The following C4orf50 variants were observed in gnomAD, a reference collection of about 807,000 sequenced individuals.
C4orf50 encodes uncharacterized protein C4orf50.
A neutral mutation model predicts 77.2 loss-of-function variants in C4orf50; 80 were observed. The ratio of observed to expected loss-of-function variants is 1.04; its 90% CI spans 0.87 to 1.25. The LOEUF is 1.25. Ranked by LOEUF, C4orf50 falls within the 50% of genes most tolerant of loss-of-function variation. The pLI is 0.00. For synonymous variants in C4orf50, 532 were observed against 465.3 expected (o/e 1.14, Z -1.84); for missense variants, 1,257 against 1,152.9 (o/e 1.09, Z -1.31).
At chr4:6,004,027 G>GTGA (rs1577991433) in intron 25 of C4orf50, among the ~76,000 whole-genome samples, 68 of 30,616 alleles carry the variant, frequency 2.2e-3, no homozygotes, top group East Asian at 8.6e-3. Context: ...TGGTGATAAT[G>GTGA]TGATAGTGAT....
chr4:6,012,224 A>G (rs1205907282), intron 23 of C4orf50, among the ~76,000 whole-genome samples: 1 of 152,204 alleles, frequency 6.6e-6, no homozygotes, highest in Non-Finnish European at 1.5e-5. Context: ...GAAGCCAGTA[A>G]TTGCAGATTC....
intron 28 of C4orf50, among the ~76,000 whole-genome samples, chr4:5,986,905 G>GA (rs1720894432): frequency 6.6e-6 from 1 of 152,108 alleles, no homozygotes; most frequent in African/African-American, 2.4e-5. Flanking sequence ...GCACATAGTA[G>GA]ATAGGCAGTA....
intron 7 of C4orf50, among the ~76,000 whole-genome samples, chr4:5,930,266 T>C (rs1717709240): frequency 6.6e-6 from 1 of 152,202 alleles, no homozygotes; most frequent in Non-Finnish European, 1.5e-5. Context: ...TCCATTTCTT[T>C]GGAAAATAGC....
chr4:5,992,721 G>A lies in C4orf50; in HGVS notation c.1221+82C>T, dbSNP rs879064183. 7 of 398,332 alleles carry A rather than the reference G, an allele frequency of 1.8e-5. No homozygotes were observed. Among genetic ancestry groups the A allele is most frequent in the Admixed American group, 4.4e-5 (1 of 22,688 alleles). The allele number at this position is 398,332 out of a possible 1,614,324, so 24.7% of individuals were successfully genotyped here. ...CTTCTTTACCCCTCCCACATCCTGC[G>A]TGTGGCCACATAGCCTGCATGAGGC... On this transcript the variant is annotated intron_variant, in intron 27 of 33. Coordinates refer to ENST00000531445, the Ensembl canonical transcript of C4orf50. This position sits in a 1 kb window ranked among gnomAD's most constrained non-coding sequence, Gnocchi z 5.0.
rs79132175 is a variant in C4orf50, at chr4:5,970,236, T to C, written c.4105-2774A>G. Among the ~76,000 whole-genome samples the C allele has an allele frequency of 2.6e-4, 39 of 151,736 alleles. 1 individual carries two copies. The East Asian group carries it at 6.4e-3, about 25-fold the overall frequency. On this transcript the variant is annotated intron_variant, in intron 31 of 33. Transcript: ENST00000531445. This position sits in a 1 kb window ranked among gnomAD's most constrained non-coding sequence, Gnocchi z 4.3. ...CCCAGGAAGGTGCCCTGAGCCCTGC[T>C]CACTCAAGGCGTCCAGGGGACAAGG...
intron 7 of C4orf50, among the ~76,000 whole-genome samples, chr4:5,930,013 C>T (rs372759129): frequency 2.0e-5 from 3 of 152,154 alleles, no homozygotes; most frequent in Admixed American, 6.5e-5. Flanking sequence ...TTAAATTGTG[C>T]GCCTGTGTCT....
At chr4:5,935,840 A>C (rs1717989468) in intron 7 of C4orf50, among the ~76,000 whole-genome samples, 1 of 151,596 alleles carries the variant, frequency 6.6e-6, no homozygotes, top group African/African-American at 2.4e-5. Context: ...CAAAACGCCC[A>C]AGAAAACAAT....
rs1458809624 is a variant in C4orf50 at position 6,008,207 on chromosome 4, T to TCGCTG, written c.747_751dup (p.Glu251AlafsTer37). On this transcript the variant is annotated frameshift_variant, in exon 25 of 34. Coordinates refer to ENST00000531445, the Ensembl canonical transcript of C4orf50. LOFTEE classifies it high-confidence loss of function. The surrounding 1 kb of genome is among the most constrained non-coding windows in gnomAD (Gnocchi z 6.0). The stretch of plus-strand genomic sequence containing the variant: ...GCGCGCCGCCTCTTCCCGCTCGCGC[T>TCGCTG]CGCTGCGCTCTGCCCTCGCCTGCAG... 56 of 397,496 alleles carry TCGCTG rather than the reference T, an allele frequency of 1.4e-4. No individual in the cohort carries two copies. Among genetic ancestry groups the TCGCTG allele is most frequent in the East Asian group, 9.6e-4 (27 of 28,042 alleles). The allele number at this position is 397,496 out of a possible 1,614,324, so 24.6% of individuals were successfully genotyped here.
chr4:6,013,800 G>A (rs965436283), intron 23 of C4orf50, among the ~76,000 whole-genome samples: 21 of 152,058 alleles, frequency 1.4e-4, no homozygotes, highest in Non-Finnish European at 2.5e-4. Context: ...CTCCAGCCTC[G>A]GAGAGGGCTT....
exon 34 of C4orf50, chr4:5,957,414 C>G (rs1351346040): frequency 1.3e-5 from 2 of 152,190 alleles, no homozygotes; most frequent in Non-Finnish European, 2.9e-5. Flanking sequence ...TGACATTGTC[C>G]CAAAATACAG....
At chr4:5,953,666 G>C (rs886421918), downstream of C4orf50, among the ~76,000 whole-genome samples, 9 of 152,150 alleles carry the variant, frequency 5.9e-5, no homozygotes, top group Non-Finnish European at 1.0e-4. Context: ...GGGCGCATGG[G>C]GGCAGGTCCA....
At chr4:5,935,087 C>T (rs1717947732) in intron 7 of C4orf50, among the ~76,000 whole-genome samples, 1 of 152,224 alleles carries the variant, frequency 6.6e-6, no homozygotes, top group Non-Finnish European at 1.5e-5. Context: ...ACACAGGAAG[C>T]TCTAGGTTCA....
At chr4:5,935,869 T>G (rs1227998012) in intron 7 of C4orf50, among the ~76,000 whole-genome samples, 2 of 133,760 alleles carry the variant, frequency 1.5e-5, no homozygotes, top group Non-Finnish European at 3.2e-5. Context: ...AATGAAGACA[T>G]AAGATGTATT....
At chr4:5,988,625 C>T in exon 28 of C4orf50, 1 of 1,536,184 alleles carries the variant, frequency 6.5e-7, no homozygotes, top group Non-Finnish European at 8.7e-7. Flanking sequence ...AGCAGCTGTC[C>T]TGTGAGTGGA....
rs879913190 is a variant in C4orf50, at chr4:5,905,520, C to G, written c.*2475-7332G>C. ...CAACCAGTGTGGCTTCTACATGAAG[C>G]CATCCACATGCACACACCTTTACGT... On this transcript the variant is annotated intron_variant, in intron 7 of 7. Transcript: ENST00000324058. The surrounding 1 kb of genome is among the most constrained non-coding windows in gnomAD (Gnocchi z 5.4). 5 of 152,212 alleles carry G rather than the reference C, an allele frequency of 3.3e-5. No homozygotes were observed. The highest frequency in any genetic ancestry group is 5.9e-5 in the Non-Finnish European group (4 of 68,050). The allele number at this position is 152,212 out of a possible 1,614,324, so 9.4% of individuals were successfully genotyped here.
chr4:6,004,119 GTGATAGTGA>G (rs1722051637), intron 25 of C4orf50, among the ~76,000 whole-genome samples: 27 of 36,740 alleles, frequency 7.3e-4, no homozygotes, highest in East Asian at 1.7e-3. Context: ...GGTGATGATG[GTGATAGTGA>G]TGATGGTGAT....
Position 5,916,943 on chromosome 4 carries a change from G to A in C4orf50, c.*2475-18755C>T, listed in dbSNP as rs763763708. Among the ~76,000 whole-genome samples, 21 of 152,050 alleles carry A rather than the reference G, an allele frequency of 1.4e-4. No homozygotes were observed. Among genetic ancestry groups the A allele is most frequent in the Non-Finnish European group, 2.4e-4 (16 of 68,008 alleles). On this transcript the variant is annotated intron_variant, in intron 7 of 7. Coordinates refer to the C4orf50 transcript ENST00000324058. This position sits in a 1 kb window ranked among gnomAD's most constrained non-coding sequence, Gnocchi z 4.4. ...ACACATCACTATGTGGACTGAAGAG[G>A]GTGGAAATCCAGAGCTGGCTTTCCC...
downstream of C4orf50, among the ~76,000 whole-genome samples, chr4:5,953,330 G>A (rs1718810205): frequency 6.6e-6 from 1 of 152,168 alleles, no homozygotes; most frequent in South Asian, 2.1e-4. Flanking sequence ...TAATATTGCG[G>A]CTACAGTTGA....
rs1717811606 is a variant in C4orf50, at chr4:5,932,496, C to T, written c.*2474+24405G>A. ...TTGGAGCCTGGCTGGAGTGCCGTGG[C>T]TCCATCACAGTTCACTGCAGCCTCG... On this transcript the variant is annotated intron_variant, in intron 7 of 7. Transcript: ENST00000324058. The surrounding 1 kb of genome is among the most constrained non-coding windows in gnomAD (Gnocchi z 4.2). Among the ~76,000 whole-genome samples the T allele has an allele frequency of 6.6e-6, 1 of 152,194 alleles. No homozygotes were observed. Among genetic ancestry groups the T allele is most frequent in the Admixed American group, 6.5e-5 (1 of 15,282 alleles).
Sources: gnomAD v4.1 joint callset for allele counts (sites outside exome capture counted in the v4.1 genomes callset) on GRCh38, gnomAD v4.1.1 for gene constraint, Gnocchi (gnomAD v3.1) non-coding constraint, MANE v1.5 for transcripts, NCBI Gene and HGNC (gene_info 2026-07-23, HGNC 2026-07-21) for gene names.